The following CNTNAP2 variants were observed in gnomAD, a reference collection of about 807,000 sequenced individuals.
CNTNAP2 encodes contactin-associated protein-like 2.
A neutral mutation model predicts 155.2 loss-of-function variants in CNTNAP2; 98 were observed. The ratio of observed to expected loss-of-function variants is 0.63; its 90% confidence interval spans 0.54 to 0.75. The LOEUF is 0.75. Among genes scored for constraint, CNTNAP2 ranks in the 30% least tolerant of loss-of-function variants. The probability of loss-of-function intolerance (pLI) is 0.00; values close to 1 mark genes in which losing one functional copy is unlikely to be tolerated. For synonymous variants in CNTNAP2, 651 were observed against 631.2 expected, an observed-to-expected ratio of 1.03 and a Z score of -0.47; for missense variants, 1,727 against 1,688.1, an observed-to-expected ratio of 1.02 and a Z score of -0.40.
intron 1 of CNTNAP2, among the ~76,000 whole-genome samples, chr7:146,502,771 A>C (rs753185583): frequency 6.6e-6 from 1 of 152,008 alleles, no homozygotes; most frequent in Admixed American, 6.6e-5. Context: ...GTGCACCAAC[A>C]TGCTGGCTAA....
In CNTNAP2 at chr7:146,239,998, A is replaced by T. The variant is rs528666515; in HGVS notation, c.97+123025A>T. Among the ~76,000 whole-genome samples, 25 of 152,360 alleles carry T rather than the reference A, an allele frequency of 1.6e-4. No individual in the cohort carries two copies. The East Asian group carries it at 4.2e-3, about 26-fold the overall frequency. On this transcript the variant is annotated intron_variant, in intron 1 of 23. Coordinates refer to ENST00000361727, the MANE Select transcript of CNTNAP2 (RefSeq NM_014141.6). ...TAATTTATTTTTTCATTAGATTTAT[A>T]AAGGGGCAATGTAAAAATTAACATC... is the stretch of plus-strand genomic sequence containing the variant.
intron 15 of CNTNAP2, among the ~76,000 whole-genome samples, chr7:147,994,400 C>T (rs1801766883): frequency 1.3e-5 from 2 of 150,286 alleles, no homozygotes; most frequent in Non-Finnish European, 2.9e-5. Flanking sequence ...TTGGCATTTG[C>T]AATCCTGAAC....
intron 1 of CNTNAP2, among the ~76,000 whole-genome samples, chr7:146,416,212 A>G (rs1345411652): frequency 1.3e-5 from 2 of 151,366 alleles, no homozygotes; most frequent in Admixed American, 1.3e-4. Context: ...AAAATTTGTT[A>G]ATGTTATTGT....
intron 11 of CNTNAP2, among the ~76,000 whole-genome samples, chr7:147,515,753 A>G (rs1472249900): frequency 6.6e-6 from 1 of 152,196 alleles, no homozygotes; most frequent in Non-Finnish European, 1.5e-5. Context: ...CTCCCCATCT[A>G]AAATAGTGTC....
intron 1 of CNTNAP2, among the ~76,000 whole-genome samples, chr7:146,394,383 G>A (rs1795589599): frequency 6.6e-6 from 1 of 152,142 alleles, no homozygotes; most frequent in Non-Finnish European, 1.5e-5. Context: ...AGCTGGATCA[G>A]ATTGCAAGGA....
rs926546148 is a variant in CNTNAP2 at position 147,043,844 on chromosome 7, C to T, written c.403-63C>T. On this transcript the variant is annotated intron_variant, in intron 3 of 23. Coordinates refer to ENST00000361727, the MANE Select transcript of CNTNAP2 (RefSeq NM_014141.6). Reference sequence around the variant, plus strand: ...TGACATTTGTGTTTATTCTAGTAGACAGAGGACATGATTGTTTCTAAAGTA... The same window carrying T: ...TGACATTTGTGTTTATTCTAGTAGATAGAGGACATGATTGTTTCTAAAGTA... 1.9e-6 allele frequency: 3 copies of T among 1,582,950 alleles called. No individual in the cohort carries two copies. In the African/African-American group the frequency reaches 4.0e-5, roughly 21 times the overall value.
At chr7:147,763,146 C>T (rs547040900) in intron 13 of CNTNAP2, among the ~76,000 whole-genome samples, 21 of 151,842 alleles carry the variant, frequency 1.4e-4, no homozygotes, top group African/African-American at 4.8e-4. Flanking sequence ...GTAATCCCAG[C>T]TACTCGGGAG....
At chr7:147,970,925 C>T (rs1287160744) in intron 14 of CNTNAP2, among the ~76,000 whole-genome samples, 1 of 152,104 alleles carries the variant, frequency 6.6e-6, no homozygotes, top group Non-Finnish European at 1.5e-5. Context: ...ACATTCTGTG[C>T]CATTTAAATA....
intron 14 of CNTNAP2, among the ~76,000 whole-genome samples, chr7:147,972,607 G>A (rs1801352633): frequency 1.3e-5 from 2 of 152,108 alleles, no homozygotes; most frequent in Non-Finnish European, 2.9e-5. Context: ...ATAGAATCAA[G>A]CTTTACTTGA....
intron 1 of CNTNAP2, among the ~76,000 whole-genome samples, chr7:146,507,700 C>G (rs954394906): frequency 3.9e-5 from 6 of 152,186 alleles, no homozygotes; most frequent in African/African-American, 1.4e-4. Flanking sequence ...TTTTCATTCA[C>G]AGCCAAACTG....
At chr7:147,279,903 A>G (rs189246889) in intron 8 of CNTNAP2, among the ~76,000 whole-genome samples, 25 of 152,004 alleles carry the variant, frequency 1.6e-4, no homozygotes, top group Non-Finnish European at 7.4e-5. Context: ...ACGGTGGTAG[A>G]CAGAGATCTG....
intron 3 of CNTNAP2, among the ~76,000 whole-genome samples, chr7:146,925,678 G>C (rs543060140): frequency 6.6e-6 from 1 of 152,074 alleles, no homozygotes; most frequent in African/African-American, 2.4e-5. Context: ...AACATTAAAA[G>C]CAGGCATAAC....
At chr7:146,800,482 T>A (rs1427629663) in intron 2 of CNTNAP2, among the ~76,000 whole-genome samples, 1 of 152,212 alleles carries the variant, frequency 6.6e-6, no homozygotes, top group African/African-American at 2.4e-5. Flanking sequence ...CTGTTGGGCA[T>A]TTAAGTCAAA....
intron 1 of CNTNAP2, among the ~76,000 whole-genome samples, chr7:146,197,044 A>G (rs1013933183): frequency 2.0e-5 from 3 of 152,220 alleles, no homozygotes; most frequent in African/African-American, 7.2e-5. Context: ...GATGGTCTCT[A>G]TTCAGTGTAG....
At chr7:148,022,437 C>T (rs1303558155) in intron 15 of CNTNAP2, among the ~76,000 whole-genome samples, 1 of 149,128 alleles carries the variant, frequency 6.7e-6, no homozygotes, top group South Asian at 2.1e-4. Context: ...CCACTGCCCT[C>T]CAGCCTGGGT....
chr7:147,612,776 C>G (rs980316368), intron 12 of CNTNAP2, among the ~76,000 whole-genome samples: 1 of 152,162 alleles, frequency 6.6e-6, no homozygotes, highest in Non-Finnish European at 1.5e-5. Context: ...TGTTCTTAAA[C>G]TTTACAAAAG....
intron 13 of CNTNAP2, among the ~76,000 whole-genome samples, chr7:147,883,406 AG>A (rs1799554691): frequency 6.6e-6 from 1 of 152,216 alleles, no homozygotes; most frequent in African/African-American, 2.4e-5. Flanking sequence ...TGCTAAGAAA[AG>A]AATAGAGATG....
intron 3 of CNTNAP2, among the ~76,000 whole-genome samples, chr7:146,856,261 TATAGATAG>T (rs72247117): frequency 0.15 from 19,979 of 134,902 alleles, 1,730 homozygotes; most frequent in African/African-American, 0.23. Context: ...AGATGATAGA[TATAGATAG>T]ATAGATAGAT....
At chr7:147,390,724 C>T (rs1016713728) in intron 9 of CNTNAP2, among the ~76,000 whole-genome samples, 1 of 152,070 alleles carries the variant, frequency 6.6e-6, no homozygotes, top group Non-Finnish European at 1.5e-5. Flanking sequence ...ATCATATCAC[C>T]TTGTTACTAC....
Sources: allele counts gnomAD v4.1 joint callset (sites outside exome capture counted in the v4.1 genomes callset), GRCh38; gene constraint gnomAD v4.1.1; transcripts MANE v1.5; gene names NCBI Gene and HGNC (gene_info 2026-07-23, HGNC 2026-07-21).